MAD1L1: variants seen among roughly 807,000 people sequenced by gnomAD.
MAD1L1 encodes the protein mitotic arrest deficient 1 like 1.
Under a neutral mutation model 96.9 loss-of-function variants are expected in MAD1L1, and 95 were observed. The observed-to-expected ratio is 0.98, with a 90% CI of 0.83 to 1.16. The LOEUF (loss-of-function observed/expected upper bound fraction) is 1.16, where lower values mean the gene tolerates loss of function less well. MAD1L1 is among the 50% of genes most tolerant of loss of function. The pLI is 0.00. For missense variants in MAD1L1, 1,007 were observed against 954.4 expected (o/e 1.06, Z -0.73); for synonymous variants, 473 against 396.6 (o/e 1.19, Z -2.29).
At chr7:1,895,178 C>T (rs1182986008) in intron 18 of MAD1L1, among the ~76,000 whole-genome samples, 3 of 152,292 alleles carry the variant, frequency 2.0e-5, no homozygotes, top group South Asian at 4.1e-4. Context: ...CAGGGAAAAC[C>T]GCAGACACAA....
intron 16 of MAD1L1, among the ~76,000 whole-genome samples, chr7:1,947,363 G>A (rs1195279620): frequency 3.3e-5 from 5 of 152,238 alleles, no homozygotes; most frequent in Non-Finnish European, 5.9e-5. Flanking sequence ...AGGAAGCAGC[G>A]ACAAGAGGGG....
chr7:2,111,894 G>T (rs1191040678), intron 11 of MAD1L1, among the ~76,000 whole-genome samples: 1 of 152,246 alleles, frequency 6.6e-6, no homozygotes, highest in South Asian at 2.1e-4. Context: ...CCAGGATCCA[G>T]CAGTCCCACT....
chr7:1,915,061 C>A (rs570451199), intron 17 of MAD1L1, among the ~76,000 whole-genome samples: 25 of 152,282 alleles, frequency 1.6e-4, no homozygotes, highest in Admixed American at 3.3e-4. Flanking sequence ...TGGGGTCTCA[C>A]TGGGAGCAAC....
intron 10 of MAD1L1, among the ~76,000 whole-genome samples, chr7:2,212,156 G>A (rs1263172680): frequency 1.3e-5 from 2 of 151,532 alleles, no homozygotes; most frequent in East Asian, 3.8e-4. Flanking sequence ...GGAGAAAGAT[G>A]AGCACAGGGT....
At chr7:2,168,817 G>A (rs138764683) in intron 10 of MAD1L1, among the ~76,000 whole-genome samples, 104 of 152,348 alleles carry the variant, frequency 6.8e-4, no homozygotes, top group African/African-American at 2.4e-3. Context: ...CACACGGGGC[G>A]TGGGGCCCAG....
intron 11 of MAD1L1, among the ~76,000 whole-genome samples, chr7:2,123,062 G>C (rs1242603414): frequency 1.3e-5 from 2 of 151,818 alleles, no homozygotes; most frequent in South Asian, 4.2e-4. Context: ...CCAGCACTTT[G>C]GGAGGCCAAG....
At chr7:1,945,748 C>T (rs1396816425) in intron 16 of MAD1L1, among the ~76,000 whole-genome samples, 1 of 152,312 alleles carries the variant, frequency 6.6e-6, no homozygotes, top group East Asian at 1.9e-4. Flanking sequence ...GGTAAGGTGG[C>T]GGCGCTGGGC....
At chr7:2,184,519 C>A (rs1257237744) in intron 10 of MAD1L1, among the ~76,000 whole-genome samples, 2 of 152,150 alleles carry the variant, frequency 1.3e-5, no homozygotes, top group Admixed American at 6.5e-5. Context: ...AAGTTATACA[C>A]GTACTCATTA....
intron 11 of MAD1L1, among the ~76,000 whole-genome samples, chr7:2,078,461 G>C (rs757195855): frequency 6.6e-6 from 1 of 152,216 alleles, no homozygotes; most frequent in African/African-American, 2.4e-5. Flanking sequence ...CCACGCTCAC[G>C]GGGCCTCCGC....
intron 10 of MAD1L1, among the ~76,000 whole-genome samples, chr7:2,186,696 G>A (rs971004240): frequency 5.9e-5 from 9 of 152,132 alleles, no homozygotes; most frequent in South Asian, 4.1e-4. Context: ...GCCTCTTCTC[G>A]CCTTGAGGGA....
At chr7:1,974,242 C>A (rs1237665970) in intron 15 of MAD1L1, among the ~76,000 whole-genome samples, 1 of 152,198 alleles carries the variant, frequency 6.6e-6, no homozygotes, top group Non-Finnish European at 1.5e-5. Flanking sequence ...CCAAGGGCTC[C>A]CCAGTGGAAG....
chr7:1,926,199 T>C (rs1044185235), intron 17 of MAD1L1, among the ~76,000 whole-genome samples: 57 of 152,134 alleles, frequency 3.7e-4, no homozygotes, highest in African/African-American at 1.3e-3. Context: ...CCCCAAAACC[T>C]ACATTCTACC....
intron 14 of MAD1L1, among the ~76,000 whole-genome samples, chr7:1,996,134 A>G (rs1229003825): frequency 6.6e-6 from 1 of 151,802 alleles, no homozygotes. Flanking sequence ...GCCGGTCTAC[A>G]CACAGCTCCT....
intron 10 of MAD1L1, among the ~76,000 whole-genome samples, chr7:2,210,253 A>G (rs967970096): frequency 3.3e-5 from 5 of 152,102 alleles, no homozygotes; most frequent in Admixed American, 2.0e-4. Context: ...TTGTTTTGGT[A>G]CACACGGGGT....
At chr7:2,116,287 G>A (rs574487959) in intron 11 of MAD1L1, among the ~76,000 whole-genome samples, 14 of 152,222 alleles carry the variant, frequency 9.2e-5, no homozygotes, top group Middle Eastern at 3.2e-3. Flanking sequence ...GCCAAGTGCC[G>A]GGAGGACGAA....
At chr7:1,908,811 T>C (rs558835543) in intron 17 of MAD1L1, among the ~76,000 whole-genome samples, 1 of 152,238 alleles carries the variant, frequency 6.6e-6, no homozygotes, top group South Asian at 2.1e-4. Flanking sequence ...CTCAACATTA[T>C]GAAACTCCCC....
intron 11 of MAD1L1, among the ~76,000 whole-genome samples, chr7:2,128,064 G>A (rs989953746): frequency 3.3e-5 from 5 of 152,122 alleles, no homozygotes; most frequent in African/African-American, 1.2e-4. Flanking sequence ...AATCACAGTC[G>A]TCGGTTACAA....
chr7:2,213,914 T>C (rs1173259279), intron 9 of MAD1L1, among the ~76,000 whole-genome samples: 1 of 152,244 alleles, frequency 6.6e-6, no homozygotes, highest in Non-Finnish European at 1.5e-5. Flanking sequence ...AGGGACTCTG[T>C]GCCTTTGTTC....
chr7:1,855,516 A>C, intron 18 of MAD1L1, among the ~76,000 whole-genome samples: 1 of 150,736 alleles, frequency 6.6e-6, no homozygotes, highest in Non-Finnish European at 1.5e-5. Context: ...TCCCTCACAC[A>C]CTCACTTTCC....
Sources: allele counts gnomAD v4.1 joint callset (sites outside exome capture counted in the v4.1 genomes callset), GRCh38; gene constraint gnomAD v4.1.1; transcripts MANE v1.5; gene names NCBI Gene and HGNC (gene_info 2026-07-23, HGNC 2026-07-21).